Variants in MROH1 observed in about 807,000 individuals in gnomAD.
MROH1 encodes the protein maestro heat-like repeat-containing protein family member 1.
MROH1 carries 117 observed loss-of-function variants against 116.5 expected under a neutral mutation model. That is an observed-to-expected ratio of 1.00 (90% CI 0.86 to 1.17). The LOEUF is 1.17. Ranked by LOEUF, MROH1 falls within the 50% of genes most tolerant of loss-of-function variation. MROH1 has a pLI of 0.00. For synonymous variants in MROH1, 921 were observed against 583.9 expected, an observed-to-expected ratio of 1.58 and a Z score of -8.32; for missense variants, 1,873 against 1,338.5, an observed-to-expected ratio of 1.40 and a Z score of -6.23.
chr8:144,238,884 C>A, intron 15 of MROH1, 21 bp downstream of exon 15: 1 of 771,232 alleles, frequency 1.3e-6, no homozygotes. Flanking sequence ...GGCACCCGTC[C>A]CTGCCTGGCG....
rs1841165322 is a variant in MROH1 at position 144,242,419 on chromosome 8, C to T, written c.2229C>T (p.Cys743=). The T allele has an allele frequency of 1.3e-6, 1 of 780,596 alleles. No individual in the cohort carries two copies. The highest frequency in any genetic ancestry group is 1.7e-5 in the African/African-American group (1 of 59,158). The allele number at this position is 780,596 out of a possible 1,614,324, so 48.4% of individuals were successfully genotyped here. ...AGGTGAAGAGTGCTCTGATCCTGTGCTATGGGCACGTGGCGGCCCGGGCCC... is the reference window on the plus strand; with the variant it reads ...AGGTGAAGAGTGCTCTGATCCTGTGTTATGGGCACGTGGCGGCCCGGGCCC... ...VEKVKSALIL[C]YGHVAARAPR... Residue 743 remains cysteine, a synonymous_variant, in exon 23 of 44, where the codon TGC becomes TGT. Transcript: ENST00000326134.
At chr8:144,195,220 G>T (rs796779962) in intron 10 of MROH1, among the ~76,000 whole-genome samples, 5 of 15,960 alleles carry the variant, frequency 3.1e-4, no homozygotes, top group South Asian at 2.3e-3. Flanking sequence ...AAAAAAAAAA[G>T]GCCGAGTGCC....
chr8:144,185,255 CT>C (rs1249473554), intron 7 of MROH1, among the ~76,000 whole-genome samples: 1 of 152,154 alleles, frequency 6.6e-6, no homozygotes. Flanking sequence ...GAGCTGAGCC[CT>C]CCCATCTCAC....
At chr8:144,205,254 C>G (rs1832572000) in intron 12 of MROH1, among the ~76,000 whole-genome samples, 1 of 152,104 alleles carries the variant, frequency 6.6e-6, no homozygotes, top group South Asian at 2.1e-4. Context: ...GTGGTTGGTC[C>G]CTGCATGTCA....
At chr8:144,251,957 G>A (rs1038423306) in intron 33 of MROH1, 34 of 232,826 alleles carry the variant, frequency 1.5e-4, no homozygotes, top group Non-Finnish European at 2.2e-4. Context: ...AGGTAGTGCC[G>A]GGTGCTGCTG....
chr8:144,252,084 G>GC, intron 33 of MROH1: 1 of 180,350 alleles, frequency 5.5e-6, no homozygotes, highest in Non-Finnish European at 1.1e-5. Flanking sequence ...TGGGTGCCGT[G>GC]TGGGCTGCAC....
intron 14 of MROH1, among the ~76,000 whole-genome samples, chr8:144,224,571 A>G (rs900773148): frequency 2.0e-5 from 3 of 152,208 alleles, no homozygotes; most frequent in African/African-American, 7.2e-5. Flanking sequence ...CAGCACTCAA[A>G]TGTGTTTTAA....
chr8:144,259,152 G>A, intron 36 of MROH1, 88 bp from the exon 37 acceptor site: 3 of 698,208 alleles, frequency 4.3e-6, no homozygotes, highest in South Asian at 3.0e-5. Context: ...TGGCGGTGGA[G>A]CGGACCAGGG....
intron 4 of MROH1, among the ~76,000 whole-genome samples, chr8:144,179,035 C>G (rs929713282): frequency 6.6e-6 from 1 of 151,896 alleles, no homozygotes; most frequent in African/African-American, 2.4e-5. Context: ...GGGGAGGGGC[C>G]GTTGGATACA....
chr8:144,154,059 C>CTATTTT (rs1384242592), intron 1 of MROH1, among the ~76,000 whole-genome samples: 3 of 145,364 alleles, frequency 2.1e-5, no homozygotes, highest in South Asian at 2.1e-4. Flanking sequence ...AGCGTCCACC[C>CTATTTT]TATTTTTATT....
At chr8:144,202,448 C>CTG (rs1831432465) in intron 12 of MROH1, among the ~76,000 whole-genome samples, 1 of 134,592 alleles carries the variant, frequency 7.4e-6, no homozygotes. Context: ...GAAGCGCCCC[C>CTG]TCTGTGGAGG....
chr8:144,244,945 G>A (rs1457813548), intron 28 of MROH1, among the ~76,000 whole-genome samples: 1 of 152,340 alleles, frequency 6.6e-6, no homozygotes, highest in African/African-American at 2.4e-5. Flanking sequence ...CCTGGGCTGG[G>A]TTGTGTCTGT....
chr8:144,165,744 G>GTTTTTT (rs1332159480), intron 3 of MROH1, among the ~76,000 whole-genome samples: 1 of 142,266 alleles, frequency 7.0e-6, no homozygotes, highest in African/African-American at 2.6e-5. Flanking sequence ...CGTAATTTTT[G>GTTTTTT]TATTTTTTTT....
chr8:144,158,495 C>T (rs1057270137), intron 1 of MROH1, among the ~76,000 whole-genome samples: 3 of 152,162 alleles, frequency 2.0e-5, no homozygotes, highest in Admixed American at 2.0e-4. Context: ...TTTAATCATT[C>T]TTCTTTTCTA....
At chr8:144,196,620 G>T (rs955677586) in intron 10 of MROH1, among the ~76,000 whole-genome samples, 16 of 151,172 alleles carry the variant, frequency 1.1e-4, no homozygotes, top group Non-Finnish European at 2.2e-4. Flanking sequence ...GCCTCCCAAA[G>T]TGCTGGGATT....
At chr8:144,241,543 G>A (rs1840974827) in intron 22 of MROH1, 26 bp downstream of exon 22, 1 of 777,584 alleles carries the variant, frequency 1.3e-6, no homozygotes. Context: ...GTGCAGGGCT[G>A]GGGACGGCTG....
Position 144,248,990 on chromosome 8 carries a change from C to T in MROH1, c.3234C>T (p.Asn1078=). Residue 1078 remains asparagine, a synonymous_variant, in exon 32 of 44, where the codon AAC becomes AAT. Transcript: ENST00000326134. ...CCCGAGCAGCTACCGTCATGATCAA[C>T]TGCCTGCTGCAGGAGCGGGGCGGTG... The part of the protein sequence containing the change: ...NCSRAATVMI[N]CLLQERGGVL... The T allele has an allele frequency of 1.4e-6, 1 of 728,262 alleles. No homozygotes were observed. The highest frequency in any genetic ancestry group is 2.6e-6 in the Non-Finnish European group (1 of 390,866). 45.1% of individuals were successfully genotyped at this position (728,262 alleles called of 1,614,324 possible).
At chr8:144,150,185 T>C (rs1587673844) in intron 1 of MROH1, among the ~76,000 whole-genome samples, 1 of 152,160 alleles carries the variant, frequency 6.6e-6, no homozygotes. Context: ...GCCGGAGGGC[T>C]TTCAAGACAG....
At chr8:144,195,039 C>T (rs1829495103) in intron 10 of MROH1, among the ~76,000 whole-genome samples, 1 of 151,026 alleles carries the variant, frequency 6.6e-6, no homozygotes, top group South Asian at 2.1e-4. Flanking sequence ...GCAACAGAAA[C>T]TTATTAACAG....
Sources: gnomAD v4.1 joint callset for allele counts (sites outside exome capture counted in the v4.1 genomes callset) on GRCh38, gnomAD v4.1.1 for gene constraint, MANE v1.5 for transcripts, NCBI Gene and HGNC (gene_info 2026-07-23, HGNC 2026-07-21) for gene names.